The following MYCBP2 variants were observed in gnomAD, a reference collection of about 807,000 sequenced individuals.
MYCBP2 encodes the protein E3 ubiquitin-protein ligase MYCBP2.
MYCBP2 carries 120 observed loss-of-function variants against 525.3 expected under a neutral mutation model. The observed-to-expected ratio is 0.23, with a 90% CI of 0.20 to 0.27. MYCBP2 has a LOEUF of 0.27. MYCBP2 is among the 10% of genes least tolerant of loss of function. The pLI is 1.00. For synonymous variants in MYCBP2, 1,894 were observed against 1,955.8 expected (o/e 0.97, Z 0.83); for missense variants, 4,149 against 5,657.1 (o/e 0.73, Z 8.55).
rs763696749 is a variant in MYCBP2 at position 77,081,469 on chromosome 13, G to C, written c.11376C>G (p.Ala3792=). The C allele has an allele frequency of 1.2e-6, 2 of 1,612,514 alleles. No homozygotes were observed. Among genetic ancestry groups the C allele is most frequent in the East Asian group, 4.5e-5 (2 of 44,862 alleles). The change falls in exon 65 of 83, where the codon GCC becomes GCG. Residue 3792 remains alanine, a synonymous_variant. Coordinates refer to ENST00000544440, the MANE Select transcript of MYCBP2 (RefSeq NM_015057.5). This position sits in a 1 kb window ranked among gnomAD's most constrained non-coding sequence, Gnocchi z 4.6. The part of the protein sequence containing the change: ...ITINCVKGIN[A]RYVSVHVDNS... ...TGTCCACGTGAACAGACACATAGCG[G>C]GCATTGATTCCTTTTACACAGTTGA...
intron 21 of MYCBP2, among the ~76,000 whole-genome samples, chr13:77,214,597 TC>T (rs2064533909): frequency 6.6e-6 from 1 of 152,190 alleles, no homozygotes; most frequent in East Asian, 1.9e-4. Context: ...TTATGTACAG[TC>T]ACATGTCACT....
chr13:77,141,018 C>A, intron 49 of MYCBP2, 75 bp from the exon 50 acceptor site: 1 of 1,006,382 alleles, frequency 9.9e-7, no homozygotes, highest in East Asian at 2.5e-5. Context: ...ATCTTATAAA[C>A]ATCCACAGGC....
intron 52 of MYCBP2, among the ~76,000 whole-genome samples, chr13:77,132,374 T>A (rs959917854): frequency 1.6e-4 from 25 of 152,140 alleles, no homozygotes; most frequent in Admixed American, 1.2e-3. Flanking sequence ...CATTTGCCAA[T>A]TTTATCAATT....
Position 77,067,783 on chromosome 13 carries a change from G to C in MYCBP2, c.12253C>G (p.Pro4085Ala). The C allele has an allele frequency of 1.2e-6, 2 of 1,614,100 alleles. No individual in the cohort carries two copies. The highest frequency in any genetic ancestry group is 1.7e-6 in the Non-Finnish European group (2 of 1,179,978). Residue 4085 changes from proline (P) to alanine (A), a missense_variant, in exon 71 of 83, where the codon CCA becomes GCA. By Grantham distance (27) the Pro-to-Ala change is conservative. This residue lies in a region of MYCBP2 where 148 missense variants were observed against 179.4 expected (regional missense o/e 0.82). Coordinates refer to ENST00000544440, the MANE Select transcript of MYCBP2 (RefSeq NM_015057.5). ...ASIIGVKSLPPADISDIIHST... is the reference protein window; with the variant it reads ...ASIIGVKSLPAADISDIIHST... ...TGAATGATATCACTGATATCTGCTG[G>C]GGGGAGGGATTTCACTCCTATGATG...
chr13:77,158,612 T>C (rs2057496634), intron 44 of MYCBP2, among the ~76,000 whole-genome samples: 1 of 152,156 alleles, frequency 6.6e-6, no homozygotes, highest in Admixed American at 6.5e-5. Context: ...GCTGGCTAAT[T>C]TTTTTTAAAA....
At chr13:77,146,015 C>T (rs370634675) in intron 48 of MYCBP2, 147 bp downstream of exon 48, 7 of 507,696 alleles carry the variant, frequency 1.4e-5, no homozygotes, top group African/African-American at 7.9e-5. Context: ...CAAATCTATA[C>T]ATTATTATAT....
At chr13:77,129,970 T>C (rs1049176025) in intron 52 of MYCBP2, among the ~76,000 whole-genome samples, 1 of 151,980 alleles carries the variant, frequency 6.6e-6, no homozygotes, top group South Asian at 2.1e-4. Flanking sequence ...TAAGTTTAAG[T>C]CTAAAAATGT....
intron 52 of MYCBP2, among the ~76,000 whole-genome samples, chr13:77,133,897 T>C (rs2053319466): frequency 6.6e-6 from 1 of 152,196 alleles, no homozygotes. Flanking sequence ...GTCTACCACA[T>C]TACATGGTGA....
chr13:77,096,580 G>A, intron 56 of MYCBP2, 99 bp from the exon 57 acceptor site: 2 of 1,257,824 alleles, frequency 1.6e-6, no homozygotes, highest in Non-Finnish European at 2.2e-6. Context: ...CCTTCTCAAA[G>A]AAAGCAAAAT....
intron 55 of MYCBP2, among the ~76,000 whole-genome samples, chr13:77,111,513 C>T (rs1256872842): frequency 1.3e-5 from 2 of 151,134 alleles, no homozygotes; most frequent in Non-Finnish European, 2.9e-5. Context: ...AACTCCTGGG[C>T]TCAAGGAATC....
intron 1 of MYCBP2, among the ~76,000 whole-genome samples, chr13:77,316,434 T>C (rs2080947015): frequency 6.6e-6 from 1 of 151,498 alleles, no homozygotes; most frequent in South Asian, 2.1e-4. Context: ...TAGGGAAGAG[T>C]CTGTAGCCAA....
intron 55 of MYCBP2, among the ~76,000 whole-genome samples, chr13:77,116,026 C>T (rs2049690365): frequency 6.6e-6 from 1 of 151,594 alleles, no homozygotes; most frequent in East Asian, 1.9e-4. Context: ...CAGAATTGAC[C>T]TCAAGTTCTG....
intron 18 of MYCBP2, among the ~76,000 whole-genome samples, chr13:77,227,516 A>ACACT (rs1189117682): frequency 6.6e-6 from 1 of 150,672 alleles, no homozygotes; most frequent in Non-Finnish European, 1.5e-5. Flanking sequence ...ACACACACAC[A>ACACT]CAAATACATA....
Position 77,126,479 on chromosome 13 carries a change from T to C in MYCBP2, c.7723A>G (p.Thr2575Ala), listed in dbSNP as rs374664360. Residue 2575 changes from threonine (T) to alanine (A), a missense_variant, in exon 53 of 83, where the codon ACA becomes GCA. This residue lies in a region of MYCBP2 where 692 missense variants were observed against 852.7 expected (regional missense o/e 0.81). Coordinates refer to ENST00000544440, the MANE Select transcript of MYCBP2 (RefSeq NM_015057.5). ...DINSCCPQEATMQEQDMPFLR... is the reference protein window; with the variant it reads ...DINSCCPQEAAMQEQDMPFLR... ...AATGGCATATCTTGTTCTTGCATTG[T>C]TGCTTCCTGTGGGCAGCAGGAGTTT... 1.4e-5 allele frequency: 23 copies of C among 1,613,866 alleles called. No individual in the cohort carries two copies. The African/African-American group carries it at 3.1e-4, about 22-fold the overall frequency.
chr13:77,188,950 C>T lies in MYCBP2; in HGVS notation c.4251+1G>A. On this transcript the variant is annotated splice_donor_variant, in intron 30 of 82. Coordinates refer to ENST00000544440, the MANE Select transcript of MYCBP2 (RefSeq NM_015057.5). LOFTEE classifies it high-confidence loss of function. ...CTGAAATTTTTTAAAACATGGCTTA[C>T]CACTGAGACAGTTCTTGCAAAAGAC... is the stretch of plus-strand genomic sequence containing the variant. The T allele has an allele frequency of 6.3e-7, 1 of 1,589,932 alleles. No homozygotes were observed.
chr13:77,237,707 CTATCACAGTATGAAAT>C (rs1467920576), intron 17 of MYCBP2, among the ~76,000 whole-genome samples: 14 of 152,058 alleles, frequency 9.2e-5, no homozygotes, highest in Non-Finnish European at 1.6e-4. Context: ...ACACCAATAT[CTATCACAGTATGAAAT>C]TATATGAAAT....
chr13:77,194,465 T>C (rs1443920410), intron 26 of MYCBP2, among the ~76,000 whole-genome samples: 1 of 152,220 alleles, frequency 6.6e-6, no homozygotes, highest in Admixed American at 6.5e-5. Context: ...GTTTTCCTAA[T>C]TTATATATTC....
At chr13:77,172,209 T>TG (rs1361621144) in intron 37 of MYCBP2, among the ~76,000 whole-genome samples, 1 of 152,104 alleles carries the variant, frequency 6.6e-6, no homozygotes, top group East Asian at 1.9e-4. Flanking sequence ...ACCTGAATTT[T>TG]TTTTTTTTTT....
Position 77,174,483 on chromosome 13 carries a change from C to T in MYCBP2, c.5479G>A (p.Val1827Ile), listed in dbSNP as rs755985146. The change falls in exon 37 of 83, where the codon GTT becomes ATT. Residue 1827 changes from valine (V) to isoleucine (I), a missense_variant. By Grantham distance (29) the Val-to-Ile change is conservative. Coordinates refer to ENST00000544440, the MANE Select transcript of MYCBP2 (RefSeq NM_015057.5). ...LDKVVPLKEN[V>I]KYAVRLRNYG... is the part of the protein sequence containing the mutation. The stretch of plus-strand genomic sequence containing the variant: ...TTCCTCAAGCGCACAGCATATTTAA[C>T]ATTTTCCTTCATTATAAAGATGTAA... The T allele has an allele frequency of 2.5e-6, 4 of 1,612,738 alleles. No individual in the cohort carries two copies. In the South Asian group the frequency reaches 4.4e-5, roughly 18 times the overall value.
Sources: allele counts gnomAD v4.1 joint callset (sites outside exome capture counted in the v4.1 genomes callset), GRCh38; gene constraint gnomAD v4.1.1; regional missense constraint gnomAD v4.1.1; non-coding constraint Gnocchi (gnomAD v3.1); transcripts MANE v1.5; gene names NCBI Gene and HGNC (gene_info 2026-07-23, HGNC 2026-07-21).